MYO15A: variants seen among roughly 807,000 people sequenced by gnomAD.
MYO15A encodes the protein unconventional myosin-XV.
A neutral mutation model predicts 394.6 loss-of-function variants in MYO15A; 308 were observed. That is an observed-to-expected ratio of 0.78 (90% CI 0.71 to 0.86). The LOEUF (loss-of-function observed/expected upper bound fraction) is 0.86. Among genes scored for constraint, MYO15A ranks in the 40% least tolerant of loss-of-function variants. The pLI is 0.00. For synonymous variants in MYO15A, 1,957 were observed against 2,003.8 expected (o/e 0.98, Z 0.62); for missense variants, 4,606 against 4,799.1 (o/e 0.96, Z 1.19).
chr17:18,134,767 G>T (rs957267456), intron 12 of MYO15A, among the ~76,000 whole-genome samples: 1 of 152,190 alleles, frequency 6.6e-6, no homozygotes, highest in African/African-American at 2.4e-5. Context: ...TCTTTGTCAT[G>T]TGCTAAGTTT....
rs149991857 is a variant in MYO15A, at chr17:18,150,247, A to G, written c.7213-182A>G. Among the ~76,000 whole-genome samples the G allele has an allele frequency of 4.7e-4, 71 of 152,256 alleles. No homozygotes were observed. Among genetic ancestry groups the G allele is most frequent in the African/African-American group, 1.7e-3 (70 of 41,544 alleles). ...GGATGGGTTGGGAGCTCATATGGTT[A>G]TGGATACGACTGATTGGGATGCCAT... On this transcript the variant is annotated intron_variant, in intron 35 of 65. Transcript: ENST00000647165. The surrounding 1 kb of genome is among the most constrained non-coding windows in gnomAD (Gnocchi z 4.4).
chr17:18,126,797 C>T lies in MYO15A; in HGVS notation c.3873C>T (p.Leu1291=), dbSNP rs1184892152. ...TAATGACCTGTCTCCCCAGGCACCT[C>T]TTTGCTGTTGCAAATCTCGCCTTCG... The part of the protein sequence containing the change: ...GRALGENPPH[L]FAVANLAFAK... The change falls in exon 6 of 66, where the codon CTC becomes CTT. Residue 1291 remains leucine, a synonymous_variant. Transcript: ENST00000647165. The T allele has an allele frequency of 6.2e-7, 1 of 1,613,582 alleles. No individual in the cohort carries two copies.
Position 18,158,991 on chromosome 17 carries a change from C to A in MYO15A, c.9150C>A (p.Phe3050Leu). ...ESRTLEDMLCFTKTPLQESLI... is the reference protein window; with the variant it reads ...ESRTLEDMLCLTKTPLQESLI... Reference sequence around the variant, plus strand: ...GAACCTTGGAGGACATGCTTTGCTTCACCAAGGTGTCCAGTCCCGGACCTC... The same window carrying A: ...GAACCTTGGAGGACATGCTTTGCTTAACCAAGGTGTCCAGTCCCGGACCTC... Residue 3050 changes from phenylalanine to leucine, a missense_variant, in exon 53 of 66, where the codon TTC becomes TTA. This residue lies in a region of MYO15A where 2,776 missense variants were observed against 3,109.3 expected (regional missense o/e 0.89). Coordinates refer to ENST00000647165, the MANE Select transcript of MYO15A (RefSeq NM_016239.4). 1 of 1,613,910 alleles carries A rather than the reference C, an allele frequency of 6.2e-7. No individual in the cohort carries two copies. The highest frequency in any genetic ancestry group is 8.5e-7 in the Non-Finnish European group (1 of 1,179,864).
intron 60 of MYO15A, 73 bp downstream of exon 60, chr17:18,163,911 C>T (rs1232304176): frequency 6.6e-7 from 1 of 1,504,232 alleles, no homozygotes; most frequent in Non-Finnish European, 9.1e-7. Context: ...GGGCCCTCCA[C>T]CCAGATTTTA....
intron 23 of MYO15A, 99 bp downstream of exon 23, chr17:18,141,869 G>A (rs2046388887): frequency 3.0e-6 from 4 of 1,339,756 alleles, no homozygotes; most frequent in Non-Finnish European, 3.2e-6. Flanking sequence ...GCCATCCCAG[G>A]AGCAACCCAG....
At position 18,156,974 on chromosome 17, in the gene MYO15A, T is replaced by C; in HGVS notation, c.8622T>C (p.Ala2874=). The C allele has an allele frequency of 6.2e-7, 1 of 1,614,158 alleles. No homozygotes were observed. The highest frequency in any genetic ancestry group is 8.5e-7 in the Non-Finnish European group (1 of 1,180,022). ...CCCAGGACTCTGACTACGTGGTCGC[T>C]GTGAGGAACTTCCTGCCTGAGGACC... is the stretch of plus-strand genomic sequence containing the variant. ...ELKKDSDYVV[A]VRNFLPEDPA... The change falls in exon 49 of 66, where the codon GCT becomes GCC. Residue 2874 remains alanine (A), a synonymous_variant. Coordinates refer to ENST00000647165, the MANE Select transcript of MYO15A (RefSeq NM_016239.4).
chr17:18,145,307 C>T (rs2046455978), intron 29 of MYO15A, among the ~76,000 whole-genome samples: 1 of 151,852 alleles, frequency 6.6e-6, no homozygotes. Context: ...AGGGAGGGGG[C>T]TAGGGCTGCA....
Position 18,143,955 on chromosome 17 carries a change from C to T in MYO15A, c.6132C>T (p.Asp2044=), listed in dbSNP as rs2046431569. The T allele has an allele frequency of 6.2e-7, 1 of 1,612,890 alleles. No homozygotes were observed. Among genetic ancestry groups the T allele is most frequent in the Non-Finnish European group, 8.5e-7 (1 of 1,179,776 alleles). The change falls in exon 28 of 66, where the codon GAC becomes GAT. Residue 2044 remains aspartate (D), a synonymous_variant. Transcript: ENST00000647165. ...AGCCCCGTGTCACACTGCCCCTGGA[C>T]ATCAACAACTATCCTATGGCCAAGT... The part of the protein sequence containing the change: ...QAEPRVTLPL[D]INNYPMAKFV...
intron 1 of MYO15A, among the ~76,000 whole-genome samples, chr17:18,111,667 G>A (rs1382352279): frequency 2.0e-5 from 3 of 152,234 alleles, no homozygotes; most frequent in Non-Finnish European, 4.4e-5. Context: ...GAGACCAGGA[G>A]GGATCAGGTG....
At position 18,119,962 on chromosome 17, in the gene MYO15A, G is replaced by A. The variant is rs886052667; in HGVS notation, c.1162G>A (p.Gly388Arg). The part of the protein sequence containing the change: ...VPYAEGVYGG[G>R]DEAIYPPEVP... ...CTATGCCGAAGGCGTCTATGGCGGT[G>A]GGGACGAGGCCATCTACCCCCCCGA... Residue 388 changes from glycine to arginine, a missense_variant, in exon 2 of 66, where the codon GGG becomes AGG. Coordinates refer to ENST00000647165, the MANE Select transcript of MYO15A (RefSeq NM_016239.4). 3 of 1,613,662 alleles carry A rather than the reference G, an allele frequency of 1.9e-6. No homozygotes were observed. The East Asian group carries it at 6.7e-5, about 36-fold the overall frequency.
At chr17:18,136,039 C>G (rs2046261600) in intron 13 of MYO15A, among the ~76,000 whole-genome samples, 1 of 152,194 alleles carries the variant, frequency 6.6e-6, no homozygotes. Context: ...GAATGCTCTT[C>G]CTCTTTTCAC....
chr17:18,172,096 C>T, intron 63 of MYO15A, 61 bp from the exon 64 acceptor site: 2 of 1,612,224 alleles, frequency 1.2e-6, no homozygotes, highest in African/African-American at 1.3e-5. Context: ...CAGTTCAGGG[C>T]CATGGCTGTT....
rs774867797 is a variant in MYO15A at position 18,159,364 on chromosome 17, G to A, written c.9229+17G>A. 6.2e-7 allele frequency: 1 copy of A among 1,613,996 alleles called. No individual in the cohort carries two copies. On this transcript the variant is annotated intron_variant, in intron 54 of 65. Transcript: ENST00000647165. ...TGTTCCTAGGTGTGGGAGTGGGACT[G>A]CAGCCAGGGCTCTGGGCTAGGTGGG... is the stretch of plus-strand genomic sequence containing the variant.
At position 18,178,770 on chromosome 17, in the gene MYO15A, G is replaced by A; in HGVS notation, c.10493G>A (p.Gly3498Glu). The change falls in exon 66 of 66, where the codon GGA becomes GAA. Residue 3498 changes from glycine to glutamate, a missense_variant and splice_region_variant. Gly to Glu is a moderately conservative substitution (Grantham distance 98). Transcript: ENST00000647165. Reference sequence around the variant, plus strand: ...GTGGACTGTCACTGTCACCTGCAGGGACTGGAACTGTGTCGTGTGGTGGCC... The same window carrying A: ...GTGGACTGTCACTGTCACCTGCAGGAACTGGAACTGTGTCGTGTGGTGGCC... Reference protein sequence around the residue: ...QRTLQLQLEQGLELCRVVAVH... With the variant: ...QRTLQLQLEQELELCRVVAVH... The A allele has an allele frequency of 6.2e-7, 1 of 1,614,032 alleles. No individual in the cohort carries two copies.
intron 62 of MYO15A, among the ~76,000 whole-genome samples, 155 bp downstream of exon 62, chr17:18,167,878 G>T (rs1045732478): frequency 6.6e-6 from 1 of 152,238 alleles, no homozygotes; most frequent in South Asian, 2.1e-4. Context: ...TTGCCTGGGG[G>T]CTGAAGTCTT....
rs549142758 is a variant in MYO15A, at chr17:18,145,248, C to T, written c.6274-624C>T. Among the ~76,000 whole-genome samples the T allele has an allele frequency of 6.6e-5, 10 of 151,930 alleles. No individual in the cohort carries two copies. The East Asian group carries it at 7.7e-4, about 12-fold the overall frequency. Reference sequence around the variant, plus strand: ...TCTGAATGTTAAAAAGAACCCTCTGCGGCCTAGATAGAGCAGGAGGTGGGG... The same window carrying T: ...TCTGAATGTTAAAAAGAACCCTCTGTGGCCTAGATAGAGCAGGAGGTGGGG... On this transcript the variant is annotated intron_variant, in intron 29 of 65. Coordinates refer to ENST00000647165, the MANE Select transcript of MYO15A (RefSeq NM_016239.4).
At chr17:18,162,797 C>T (rs1004133146) in intron 58 of MYO15A, 118 bp downstream of exon 58, 8 of 1,031,764 alleles carry the variant, frequency 7.8e-6, no homozygotes, top group East Asian at 2.7e-5. Flanking sequence ...GTCAGGAGTT[C>T]GAGACCAGCC....
At position 18,159,324 on chromosome 17, in the gene MYO15A, A is replaced by G; in HGVS notation, c.9206A>G (p.Lys3069Arg). The change falls in exon 54 of 66, where the codon AAG (lysine) becomes AGG (arginine). Residue 3069 changes from lysine to arginine, a missense_variant. This residue lies in a region of MYO15A where 2,776 missense variants were observed against 3,109.3 expected (regional missense o/e 0.89). Transcript: ENST00000647165. ...GAACTCAGCGACAGCAGCCTCAGCA[A>G]GATGGCCACCGACATGTTCCTAGGT... Reference protein sequence around the residue: ...LIELSDSSLSKMATDMFLAVM... With the variant: ...LIELSDSSLSRMATDMFLAVM... 6.2e-7 allele frequency: 1 copy of G among 1,614,208 alleles called. No homozygotes were observed. Among genetic ancestry groups the G allele is most frequent in the Non-Finnish European group, 8.5e-7 (1 of 1,180,040 alleles).
chr17:18,155,604 AGTT>A, intron 47 of MYO15A, among the ~76,000 whole-genome samples, 172 bp downstream of exon 47: 1 of 152,292 alleles, frequency 6.6e-6, no homozygotes, highest in South Asian at 2.1e-4. Flanking sequence ...CAGAGAGAGA[AGTT>A]GTTTGTCTCA....
Sources: gnomAD v4.1 joint callset for allele counts (sites outside exome capture counted in the v4.1 genomes callset) on GRCh38, gnomAD v4.1.1 for gene constraint, gnomAD v4.1.1 regional missense constraint, Gnocchi (gnomAD v3.1) non-coding constraint, MANE v1.5 for transcripts, NCBI Gene and HGNC (gene_info 2026-07-23, HGNC 2026-07-21) for gene names.